CARMIL1: variants seen among roughly 807,000 people sequenced by gnomAD.
CARMIL1 encodes the protein F-actin-uncapping protein LRRC16A.
In CARMIL1, 90 loss-of-function variants were observed where a neutral mutation model predicts 177.1. The observed-to-expected ratio is 0.51, with a 90% CI of 0.43 to 0.61. The LOEUF (loss-of-function observed/expected upper bound fraction) is 0.61. Ranked by LOEUF, CARMIL1 falls within the 20% of genes least tolerant of loss-of-function variation. The pLI is 0.00. For synonymous variants in CARMIL1, 577 were observed against 606.2 expected (o/e 0.95, Z 0.71); for missense variants, 1,380 against 1,667.0 (o/e 0.83, Z 3.00).
At chr6:25,617,001 A>C (rs1759317102) in intron 36 of CARMIL1, among the ~76,000 whole-genome samples, 1 of 152,182 alleles carries the variant, frequency 6.6e-6, no homozygotes, top group Non-Finnish European at 1.5e-5. Flanking sequence ...ATGCACATTC[A>C]CAATTGGTAG....
intron 1 of CARMIL1, among the ~76,000 whole-genome samples, chr6:25,284,413 T>G (rs1781374063): frequency 6.6e-6 from 1 of 152,012 alleles, no homozygotes; most frequent in Non-Finnish European, 1.5e-5. Flanking sequence ...TTAAAACAAG[T>G]AAAAAAAGAC....
At chr6:25,319,476 G>A (rs1446008571) in intron 2 of CARMIL1, among the ~76,000 whole-genome samples, 1 of 152,070 alleles carries the variant, frequency 6.6e-6, no homozygotes, top group African/African-American at 2.4e-5. Context: ...TCCTTAACAG[G>A]AAGGCACCTA....
intron 15 of CARMIL1, among the ~76,000 whole-genome samples, chr6:25,492,962 A>C (rs1288273690): frequency 6.6e-6 from 1 of 152,190 alleles, no homozygotes; most frequent in Non-Finnish European, 1.5e-5. Flanking sequence ...GAAGTCTGAA[A>C]ATATAATGGT....
At chr6:25,280,587 G>GT (rs780841300) in intron 1 of CARMIL1, among the ~76,000 whole-genome samples, 8,352 of 139,502 alleles carry the variant, frequency 0.06, 547 homozygotes, top group African/African-American at 0.17. Context: ...GTACCTTGAG[G>GT]TTTTTTTTTT....
At chr6:25,313,125 C>T (rs1783971853) in intron 2 of CARMIL1, among the ~76,000 whole-genome samples, 1 of 152,016 alleles carries the variant, frequency 6.6e-6, no homozygotes, top group African/African-American at 2.4e-5. Flanking sequence ...CTGAGCTTAC[C>T]TCCCATAATT....
At chr6:25,402,269 T>G (rs1436274661) in intron 2 of CARMIL1, among the ~76,000 whole-genome samples, 2 of 152,216 alleles carry the variant, frequency 1.3e-5, no homozygotes, top group Non-Finnish European at 2.9e-5. Flanking sequence ...TCTTTATTTT[T>G]ATGTGACATT....
At chr6:25,339,452 C>T (rs1470690651) in intron 2 of CARMIL1, among the ~76,000 whole-genome samples, 1 of 152,196 alleles carries the variant, frequency 6.6e-6, no homozygotes, top group African/African-American at 2.4e-5. Context: ...ATGAATTCTG[C>T]CCAATCCTTT....
At chr6:25,375,302 T>C (rs1351643366) in intron 2 of CARMIL1, among the ~76,000 whole-genome samples, 3 of 152,200 alleles carry the variant, frequency 2.0e-5, no homozygotes, top group African/African-American at 7.2e-5. Context: ...TTGAAGAGGC[T>C]AAAGATAGGA....
intron 5 of CARMIL1, among the ~76,000 whole-genome samples, chr6:25,437,624 A>G (rs1248189466): frequency 6.6e-6 from 1 of 152,194 alleles, no homozygotes. Flanking sequence ...GGACAGCCCC[A>G]GGCACCTCAC....
intron 23 of CARMIL1, among the ~76,000 whole-genome samples, chr6:25,525,351 A>C (rs1340590884): frequency 6.6e-6 from 1 of 152,070 alleles, no homozygotes; most frequent in Non-Finnish European, 1.5e-5. Flanking sequence ...GATGCAAAAA[A>C]CCCCCAGCAG....
chr6:25,580,935 A>G lies in CARMIL1; in HGVS notation c.2754A>G (p.Lys918=), dbSNP rs1030173678. 24 of 1,597,058 alleles carry G rather than the reference A, an allele frequency of 1.5e-5. No homozygotes were observed. Among genetic ancestry groups the G allele is most frequent in the Non-Finnish European group, 2.0e-5 (23 of 1,171,138 alleles). The change falls in exon 30 of 37, where the codon AAA becomes AAG. Residue 918 remains lysine, a synonymous_variant. Transcript: ENST00000329474. ...EDLDTCMMTP[K]SKRKSIHSRM... Reference sequence around the variant, plus strand: ...TATTTCATTTCTAGATGACCCCTAAATCCAAAAGGAAGAGTATCCATAGCC... The same window carrying G: ...TATTTCATTTCTAGATGACCCCTAAGTCCAAAAGGAAGAGTATCCATAGCC...
chr6:25,371,986 A>G (rs1790470366), intron 2 of CARMIL1, among the ~76,000 whole-genome samples: 1 of 152,114 alleles, frequency 6.6e-6, no homozygotes, highest in Non-Finnish European at 1.5e-5. Context: ...CAGTTTTTTC[A>G]GCACCATTTG....
At chr6:25,308,115 A>G (rs749898615) in intron 2 of CARMIL1, among the ~76,000 whole-genome samples, 3 of 152,208 alleles carry the variant, frequency 2.0e-5, no homozygotes, top group African/African-American at 2.4e-5. Context: ...ATTAACAAAC[A>G]TAACAGTGCA....
chr6:25,596,818 C>G (rs1814895634), intron 32 of CARMIL1, among the ~76,000 whole-genome samples: 1 of 151,246 alleles, frequency 6.6e-6, no homozygotes, highest in Middle Eastern at 3.4e-3. Flanking sequence ...ATTGCAGATA[C>G]TCAACCTGTA....
At chr6:25,292,719 T>C (rs977470850) in intron 2 of CARMIL1, among the ~76,000 whole-genome samples, 3 of 152,158 alleles carry the variant, frequency 2.0e-5, no homozygotes, top group African/African-American at 7.2e-5. Context: ...TTCATTGTTC[T>C]AAAAAGATAC....
intron 2 of CARMIL1, among the ~76,000 whole-genome samples, chr6:25,414,193 C>T (rs949298603): frequency 6.6e-6 from 1 of 152,174 alleles, no homozygotes; most frequent in Non-Finnish European, 1.5e-5. Context: ...TCTGTAATCT[C>T]TAACTCTCTA....
chr6:25,397,455 G>A (rs1230829039), intron 2 of CARMIL1, among the ~76,000 whole-genome samples: 1 of 152,190 alleles, frequency 6.6e-6, no homozygotes. Context: ...ATAGGAATGG[G>A]GACATCTGGT....
chr6:25,284,868 A>G lies in CARMIL1; in HGVS notation c.97A>G (p.Lys33Glu), dbSNP rs762057732. The G allele has an allele frequency of 2.5e-6, 4 of 1,574,180 alleles. No individual in the cohort carries two copies. The highest frequency in any genetic ancestry group is 3.5e-6 in the Non-Finnish European group (4 of 1,158,018). The change falls in exon 2 of 37, where the codon AAG becomes GAG. Residue 33 changes from lysine to glutamate, a missense_variant. Coordinates refer to ENST00000329474, the MANE Select transcript of CARMIL1 (RefSeq NM_017640.6). ...AAAAATTTCAGTGAAGAAGAAAGTA[A>G]AGTTGGAAGTTAAGGGAGACAAAGT... is the stretch of plus-strand genomic sequence containing the variant. Reference protein sequence around the residue: ...KIKISVKKKVKLEVKGDKVEN... With the variant: ...KIKISVKKKVELEVKGDKVEN...
intron 5 of CARMIL1, 47 bp downstream of exon 5, chr6:25,435,651 C>T: frequency 2.6e-6 from 4 of 1,520,846 alleles, no homozygotes; most frequent in Middle Eastern, 1.7e-4. Flanking sequence ...CCTGTTCTTC[C>T]TCAAAACGGC....
Sources: gnomAD v4.1 joint callset for allele counts (sites outside exome capture counted in the v4.1 genomes callset) on GRCh38, gnomAD v4.1.1 for gene constraint, MANE v1.5 for transcripts, NCBI Gene and HGNC (gene_info 2026-07-23, HGNC 2026-07-21) for gene names.